ADISSP: variants seen among roughly 807,000 people sequenced by gnomAD.
ADISSP encodes adipose secreted signaling protein.
At chr20:3,768,273 C>T in the ADISSP span, 1 of 152,332 alleles carries the variant, frequency 6.6e-6, no homozygotes, top group African/African-American at 2.4e-5. Flanking sequence ...TGTTTCGACC[C>T]CAGGGTTTGG....
chr20:3,758,262 T>G, the ADISSP span, among the ~76,000 whole-genome samples: 1 of 152,218 alleles, frequency 6.6e-6, no homozygotes, highest in Non-Finnish European at 1.5e-5. This position sits in a 1 kb window ranked among gnomAD's most constrained non-coding sequence, Gnocchi z 5.5. Flanking sequence ...CTCAGGCCAC[T>G]GGCACCACAG....
At chr20:3,754,330 G>A in the ADISSP span, 2 of 1,580,182 alleles carry the variant, frequency 1.3e-6, no homozygotes, top group East Asian at 2.3e-5. Context: ...GGTTCCCTGA[G>A]GAGGACAGAA....
the ADISSP span, chr20:3,758,548 G>A: frequency 6.2e-7 from 1 of 1,613,604 alleles, no homozygotes; most frequent in South Asian, 1.1e-5. The surrounding 1 kb of genome is among the most constrained non-coding windows in gnomAD (Gnocchi z 5.5). Flanking sequence ...TGACCAGAAA[G>A]CTGCTGTCAC....
At chr20:3,753,927 C>T in the ADISSP span, 7 of 675,994 alleles carry the variant, frequency 1.0e-5, no homozygotes, top group South Asian at 3.4e-5. Flanking sequence ...AGGTGAGAGG[C>T]GTGGGCAAGG....
the ADISSP span, chr20:3,767,917 G>C: frequency 6.6e-6 from 1 of 152,306 alleles, no homozygotes; most frequent in Non-Finnish European, 1.5e-5. Context: ...CCGAGGCAGC[G>C]CCCTGCTAGT....
chr20:3,760,973 G>A, the ADISSP span, among the ~76,000 whole-genome samples: 11 of 152,318 alleles, frequency 7.2e-5, no homozygotes, highest in East Asian at 2.1e-3. Flanking sequence ...TATTAGAAAA[G>A]AAGAGAGAAA....
chr20:3,760,765 C>A, the ADISSP span, among the ~76,000 whole-genome samples: 1 of 152,182 alleles, frequency 6.6e-6, no homozygotes, highest in Non-Finnish European at 1.5e-5. Context: ...CCCACCTGAA[C>A]CCCATTCAGA....
the ADISSP span, among the ~76,000 whole-genome samples, chr20:3,755,109 A>T: frequency 1.3e-5 from 2 of 152,292 alleles, no homozygotes; most frequent in East Asian, 3.9e-4. Context: ...GGTGGGTGCT[A>T]GGAGTTATCC....
At chr20:3,767,631 C>G in the ADISSP span, 184 of 152,980 alleles carry the variant, frequency 1.2e-3, 1 homozygote, top group Non-Finnish European at 2.1e-3. Flanking sequence ...CGGGAAGGAA[C>G]CGGGAGGCAG....
the ADISSP span, among the ~76,000 whole-genome samples, chr20:3,758,373 T>C: frequency 1.3e-5 from 2 of 152,154 alleles, no homozygotes; most frequent in African/African-American, 2.4e-5. This position sits in a 1 kb window ranked among gnomAD's most constrained non-coding sequence, Gnocchi z 5.5. Flanking sequence ...TCTCATCTCA[T>C]TGAAATCTCA....
the ADISSP span, chr20:3,767,341 G>A: frequency 6.6e-6 from 1 of 152,458 alleles, no homozygotes; most frequent in East Asian, 1.9e-4. Context: ...GCAATGAACA[G>A]GGTCGTGGGG....
chr20:3,762,191 G>C, the ADISSP span, among the ~76,000 whole-genome samples: 2 of 151,848 alleles, frequency 1.3e-5, no homozygotes. Flanking sequence ...AGAATCACTT[G>C]AATCCGGAAG....
the ADISSP span, among the ~76,000 whole-genome samples, chr20:3,755,012 G>A: frequency 6.6e-6 from 1 of 152,210 alleles, no homozygotes; most frequent in Non-Finnish European, 1.5e-5. Context: ...TGACACCCTA[G>A]CCTCTGCCAG....
At chr20:3,760,369 C>G in the ADISSP span, among the ~76,000 whole-genome samples, 2 of 152,206 alleles carry the variant, frequency 1.3e-5, no homozygotes, top group African/African-American at 2.4e-5. Flanking sequence ...CCACATTCAC[C>G]AAGAGCCCTC....
the ADISSP span, among the ~76,000 whole-genome samples, chr20:3,759,227 T>C: frequency 6.6e-6 from 1 of 152,148 alleles, no homozygotes; most frequent in Non-Finnish European, 1.5e-5. This position sits in a 1 kb window ranked among gnomAD's most constrained non-coding sequence, Gnocchi z 4.6. Flanking sequence ...TCAGGCCACC[T>C]GGGCGAGGCT....
chr20:3,754,144 T>C, the ADISSP span: 1 of 1,611,594 alleles, frequency 6.2e-7, no homozygotes, highest in Non-Finnish European at 8.5e-7. Flanking sequence ...AGCATGGGCG[T>C]GCCGTGGTGC....
the ADISSP span, chr20:3,755,542 C>CA: frequency 6.2e-7 from 1 of 1,613,586 alleles, no homozygotes; most frequent in Non-Finnish European, 8.5e-7. Flanking sequence ...CATCCTTGCT[C>CA]AGCCTGTGCA....
chr20:3,755,278 A>G, the ADISSP span: 2 of 591,304 alleles, frequency 3.4e-6, no homozygotes, highest in Admixed American at 2.9e-5. Context: ...GTATGAGCTC[A>G]TGGACTTCTG....
chr20:3,755,790 A>G, the ADISSP span, among the ~76,000 whole-genome samples: 1 of 151,808 alleles, frequency 6.6e-6, no homozygotes, highest in African/African-American at 2.4e-5. Context: ...GCCCTTTCAC[A>G]GACCCCTTGA....
Sources: gnomAD v4.1 joint callset for allele counts (sites outside exome capture counted in the v4.1 genomes callset) on GRCh38, gnomAD v4.1.1 for gene constraint, Gnocchi (gnomAD v3.1) non-coding constraint, MANE v1.5 for transcripts, NCBI Gene and HGNC (gene_info 2026-07-23, HGNC 2026-07-21) for gene names.